The following ECHDC1 variants were observed in gnomAD, a reference collection of about 807,000 sequenced individuals.
ECHDC1 encodes the protein ethylmalonyl-CoA decarboxylase.
ECHDC1 carries 29 observed loss-of-function variants against 29.7 expected under a neutral mutation model. The ratio of observed to expected loss-of-function variants is 0.98; its 90% CI spans 0.73 to 1.33. The LOEUF (loss-of-function observed/expected upper bound fraction) is 1.33. Among genes scored for constraint, ECHDC1 ranks in the 40% most tolerant of loss-of-function variants. The probability of loss-of-function intolerance (pLI) is 0.00; values close to 1 mark genes in which losing one functional copy is unlikely to be tolerated. For synonymous variants in ECHDC1, 126 were observed against 123.1 expected (o/e 1.02, Z -0.15); for missense variants, 328 against 350.0 (o/e 0.94, Z 0.50).
intron 3 of ECHDC1, among the ~76,000 whole-genome samples, chr6:127,324,382 C>T (rs955000759): frequency 1.3e-5 from 2 of 152,132 alleles, no homozygotes; most frequent in African/African-American, 4.8e-5. Flanking sequence ...GGAGCTGAGG[C>T]TAAGAGGAAA....
At chr6:127,328,577 C>T (rs188953118) in intron 2 of ECHDC1, among the ~76,000 whole-genome samples, 2 of 152,196 alleles carry the variant, frequency 1.3e-5, no homozygotes, top group African/African-American at 2.4e-5. Context: ...AAAACTGTAA[C>T]CCTTTCCAAG....
At chr6:127,341,507 G>T (rs528675092) in intron 1 of ECHDC1, 199 of 152,274 alleles carry the variant, frequency 1.3e-3, no homozygotes, top group African/African-American at 4.5e-3. Flanking sequence ...AGATGAAAAG[G>T]TTCTGAAGCA....
At chr6:127,323,589 G>C (rs1010345757) in intron 3 of ECHDC1, among the ~76,000 whole-genome samples, 11 of 152,190 alleles carry the variant, frequency 7.2e-5, no homozygotes, top group African/African-American at 2.4e-4. Flanking sequence ...ATAAGATTTA[G>C]AAAGATTAAG....
chr6:127,305,414 AAATAT>A (rs1781367415), intron 5 of ECHDC1, among the ~76,000 whole-genome samples: 1 of 152,224 alleles, frequency 6.6e-6, no homozygotes, highest in Admixed American at 6.5e-5. Context: ...GTCCTACAAG[AAATAT>A]TAAAGGGAGC....
At chr6:127,326,017 T>C (rs1266242214) in intron 3 of ECHDC1, among the ~76,000 whole-genome samples, 1 of 152,226 alleles carries the variant, frequency 6.6e-6, no homozygotes, top group Admixed American at 6.5e-5. Flanking sequence ...TTCACTATTT[T>C]AGATTCCATA....
chr6:127,309,389 CAGA>C (rs1444609201), intron 5 of ECHDC1, among the ~76,000 whole-genome samples: 1 of 151,570 alleles, frequency 6.6e-6, no homozygotes, highest in Non-Finnish European at 1.5e-5. Context: ...TATTTATATG[CAGA>C]AGAATGAAAT....
At chr6:127,302,143 G>T (rs1164347168) in intron 5 of ECHDC1, among the ~76,000 whole-genome samples, 1 of 152,162 alleles carries the variant, frequency 6.6e-6, no homozygotes, top group Non-Finnish European at 1.5e-5. Context: ...CAATTTAGCA[G>T]TATTAAAGGA....
chr6:127,330,432 G>T (rs1783817664), intron 2 of ECHDC1, among the ~76,000 whole-genome samples: 1 of 152,122 alleles, frequency 6.6e-6, no homozygotes, highest in African/African-American at 2.4e-5. Flanking sequence ...TCATTAACAG[G>T]CTTTTCTCTT....
intron 1 of ECHDC1, among the ~76,000 whole-genome samples, chr6:127,339,499 A>G (rs575975710): frequency 9.0e-4 from 137 of 152,118 alleles, no homozygotes; most frequent in African/African-American, 3.2e-3. Flanking sequence ...CAGGCCAGGT[A>G]CGGTGGCTTA....
At chr6:127,329,748 A>C (rs1254398220) in intron 2 of ECHDC1, 1 of 311,138 alleles carries the variant, frequency 3.2e-6, no homozygotes, top group Non-Finnish European at 6.5e-6. Flanking sequence ...TGAATTGTTA[A>C]ACTTAATTTT....
chr6:127,318,891 A>T (rs1196759088), intron 3 of ECHDC1, among the ~76,000 whole-genome samples: 2 of 152,246 alleles, frequency 1.3e-5, no homozygotes, highest in African/African-American at 4.8e-5. Context: ...TATCTCACGA[A>T]GTGATGAGAA....
intron 3 of ECHDC1, among the ~76,000 whole-genome samples, chr6:127,318,967 C>A (rs1782619197): frequency 6.6e-6 from 1 of 152,180 alleles, no homozygotes; most frequent in Admixed American, 6.5e-5. Context: ...TGCTAAAAAC[C>A]TTTCCAATAA....
At chr6:127,304,592 G>A (rs1043441119) in intron 5 of ECHDC1, among the ~76,000 whole-genome samples, 9 of 152,180 alleles carry the variant, frequency 5.9e-5, no homozygotes, top group African/African-American at 1.9e-4. Context: ...AGAGATACGT[G>A]ACTTTTCAGA....
chr6:127,304,416 T>C (rs1197495356), intron 5 of ECHDC1, among the ~76,000 whole-genome samples: 1 of 152,142 alleles, frequency 6.6e-6, no homozygotes. Flanking sequence ...AGAAAGCCTT[T>C]CCAAGAAGGA....
At chr6:127,341,249 A>G (rs1330569702) in intron 1 of ECHDC1, among the ~76,000 whole-genome samples, 1 of 152,156 alleles carries the variant, frequency 6.6e-6, no homozygotes. Context: ...TGCTAGATTC[A>G]CTGACCCCAA....
intron 2 of ECHDC1, among the ~76,000 whole-genome samples, chr6:127,328,816 G>A (rs1467134640): frequency 1.3e-5 from 2 of 152,122 alleles, no homozygotes; most frequent in Non-Finnish European, 2.9e-5. Flanking sequence ...CACGAGGTCA[G>A]GAGATCGAGA....
intron 1 of ECHDC1, among the ~76,000 whole-genome samples, chr6:127,334,859 T>C (rs1194938005): frequency 6.6e-6 from 1 of 151,310 alleles, no homozygotes; most frequent in Non-Finnish European, 1.5e-5. Context: ...AATGTTCCAT[T>C]TTAACACATT....
intron 1 of ECHDC1, chr6:127,342,322 T>G: frequency 6.5e-7 from 1 of 1,536,028 alleles, no homozygotes; most frequent in Non-Finnish European, 8.8e-7. Context: ...AAATCAACTC[T>G]CCAACTACCC....
intron 3 of ECHDC1, among the ~76,000 whole-genome samples, chr6:127,325,421 T>C (rs1372880325): frequency 6.6e-6 from 1 of 152,144 alleles, no homozygotes; most frequent in African/African-American, 2.4e-5. Flanking sequence ...GGAGTTTCTT[T>C]TTTCTTTTTA....
Sources: gnomAD v4.1 joint callset for allele counts (sites outside exome capture counted in the v4.1 genomes callset) on GRCh38, gnomAD v4.1.1 for gene constraint, MANE v1.5 for transcripts, NCBI Gene and HGNC (gene_info 2026-07-23, HGNC 2026-07-21) for gene names.